Variants in CDKAL1 observed in about 807,000 individuals in gnomAD.
The protein encoded by CDKAL1 is CDKAL1 threonylcarbamoyladenosine tRNA methylthiotransferase, also known as threonylcarbamoyladenosine tRNA methylthiotransferase.
CDKAL1 carries 32 observed loss-of-function variants against 68.2 expected under a neutral mutation model. That is an observed-to-expected ratio of 0.47 (90% CI 0.35 to 0.63). CDKAL1 has a LOEUF of 0.63. Among genes scored for constraint, CDKAL1 ranks in the 30% least tolerant of loss-of-function variants. CDKAL1 has a pLI of 0.00. For missense variants in CDKAL1, 606 were observed against 696.7 expected, an observed-to-expected ratio of 0.87 and a Z score of 1.47; for synonymous variants, 234 against 244.3, an observed-to-expected ratio of 0.96 and a Z score of 0.39.
intron 11 of CDKAL1, among the ~76,000 whole-genome samples, chr6:21,042,806 A>C (rs2150897647): frequency 6.6e-6 from 1 of 152,184 alleles, no homozygotes; most frequent in Admixed American, 6.5e-5. Context: ...CCAAACTTCT[A>C]TATGCTGGTC....
chr6:20,954,611 C>CT (rs1359958815), intron 9 of CDKAL1, among the ~76,000 whole-genome samples: 1 of 152,138 alleles, frequency 6.6e-6, no homozygotes. Flanking sequence ...CATGAAAGGC[C>CT]TGAATGGCTC....
At chr6:20,681,438 T>A (rs1770370606) in intron 5 of CDKAL1, among the ~76,000 whole-genome samples, 1 of 152,202 alleles carries the variant, frequency 6.6e-6, no homozygotes, top group Non-Finnish European at 1.5e-5. Context: ...TTTTACAAAT[T>A]TATTGAATTA....
At chr6:20,586,982 T>TG (rs899687499) in intron 4 of CDKAL1, among the ~76,000 whole-genome samples, 1 of 134,428 alleles carries the variant, frequency 7.4e-6, no homozygotes, top group Non-Finnish European at 1.6e-5. Context: ...CCAGGTGTTT[T>TG]TTTTTTTTTT....
intron 9 of CDKAL1, among the ~76,000 whole-genome samples, chr6:20,891,735 A>G (rs975559026): frequency 4.6e-5 from 7 of 151,942 alleles, no homozygotes; most frequent in Admixed American, 3.9e-4. Context: ...GGGTTTCACC[A>G]TGTTGGCCAT....
intron 10 of CDKAL1, among the ~76,000 whole-genome samples, chr6:20,971,472 TAG>T (rs1195445928): frequency 2.6e-5 from 4 of 152,188 alleles, no homozygotes. Context: ...ATATAAACTC[TAG>T]AATTTGCAAC....
At chr6:20,843,636 C>T (rs539147146) in intron 8 of CDKAL1, among the ~76,000 whole-genome samples, 4 of 152,252 alleles carry the variant, frequency 2.6e-5, no homozygotes, top group East Asian at 3.9e-4. Flanking sequence ...ATTTTGACTG[C>T]ATTTTGATTG....
chr6:20,993,774 C>T (rs1264491698), intron 10 of CDKAL1, among the ~76,000 whole-genome samples: 1 of 152,090 alleles, frequency 6.6e-6, no homozygotes, highest in African/African-American at 2.4e-5. Flanking sequence ...AGAAAAATAA[C>T]AAACATTGAG....
intron 15 of CDKAL1, among the ~76,000 whole-genome samples, chr6:21,213,776 GTCTC>G (rs1230627565): frequency 6.6e-6 from 1 of 152,174 alleles, no homozygotes; most frequent in African/African-American, 2.4e-5. Context: ...ACCAGATTGT[GTCTC>G]TCTCCTCCTC....
chr6:21,068,417 A>C (rs1771576153), intron 12 of CDKAL1, among the ~76,000 whole-genome samples: 1 of 152,028 alleles, frequency 6.6e-6, no homozygotes, highest in Non-Finnish European at 1.5e-5. Flanking sequence ...GTTTCAGGGG[A>C]AGTTCACGTT....
At chr6:20,616,839 C>CACA (rs1766928603) in intron 4 of CDKAL1, among the ~76,000 whole-genome samples, 1 of 121,312 alleles carries the variant, frequency 8.2e-6, no homozygotes, top group Non-Finnish European at 1.7e-5. Context: ...CCCGACTCTA[C>CACA]CACACACACA....
intron 10 of CDKAL1, among the ~76,000 whole-genome samples, chr6:20,968,460 A>G (rs917548441): frequency 2.6e-5 from 4 of 152,168 alleles, no homozygotes; most frequent in African/African-American, 9.6e-5. Flanking sequence ...CACCCAGCCA[A>G]TTAGTGCTGT....
chr6:21,155,224 A>T (rs1776590381), intron 13 of CDKAL1, among the ~76,000 whole-genome samples: 1 of 150,804 alleles, frequency 6.6e-6, no homozygotes, highest in South Asian at 2.1e-4. Flanking sequence ...TTTAGAACAT[A>T]TTTTTCCCTA....
At chr6:20,833,068 C>G (rs547760683) in intron 8 of CDKAL1, among the ~76,000 whole-genome samples, 5 of 152,286 alleles carry the variant, frequency 3.3e-5, no homozygotes, top group African/African-American at 1.2e-4. Context: ...ATCCCAGTTT[C>G]CACGAAAATG....
chr6:20,748,579 A>G (rs1476881861), intron 6 of CDKAL1, among the ~76,000 whole-genome samples: 6 of 94,036 alleles, frequency 6.4e-5, no homozygotes, highest in African/African-American at 2.6e-4. Context: ...AAAAAAAAAA[A>G]AAAAAAAAAA....
intron 8 of CDKAL1, among the ~76,000 whole-genome samples, chr6:20,843,962 G>A (rs977128296): frequency 6.6e-6 from 1 of 152,056 alleles, no homozygotes; most frequent in Non-Finnish European, 1.5e-5. Flanking sequence ...GCATTGACTG[G>A]GCCATGGAGA....
At chr6:20,926,925 T>A (rs9358378) in intron 9 of CDKAL1, among the ~76,000 whole-genome samples, 14,496 of 147,012 alleles carry the variant, frequency 0.099, 780 homozygotes, top group East Asian at 0.11. Flanking sequence ...ATATATATTT[T>A]TATATATATA....
chr6:20,655,079 T>G (rs1768961088), intron 5 of CDKAL1, among the ~76,000 whole-genome samples: 1 of 152,260 alleles, frequency 6.6e-6, no homozygotes, highest in Non-Finnish European at 1.5e-5. Context: ...ATAGCTCTTG[T>G]GCATCTTTTA....
chr6:20,831,412 A>G (rs1025830898), intron 8 of CDKAL1, among the ~76,000 whole-genome samples: 14 of 91,522 alleles, frequency 1.5e-4, no homozygotes, highest in African/African-American at 5.5e-4. Context: ...CGATGTGCGG[A>G]CGAGTGTTGT....
At chr6:21,128,381 A>G (rs1431238226) in intron 13 of CDKAL1, among the ~76,000 whole-genome samples, 1 of 152,192 alleles carries the variant, frequency 6.6e-6, no homozygotes, top group Non-Finnish European at 1.5e-5. Context: ...TGGGTTTGTC[A>G]GGATGTAACC....
Sources: allele counts gnomAD v4.1 joint callset (sites outside exome capture counted in the v4.1 genomes callset), GRCh38; gene constraint gnomAD v4.1.1; transcripts MANE v1.5; gene names NCBI Gene and HGNC (gene_info 2026-07-23, HGNC 2026-07-21).